The following GPR158 variants were observed in gnomAD, a reference collection of about 807,000 sequenced individuals.
GPR158 encodes the protein metabotropic glycine receptor.
GPR158 carries 30 observed loss-of-function variants against 78.2 expected under a neutral mutation model. The ratio of observed to expected loss-of-function variants is 0.38; its 90% confidence interval spans 0.29 to 0.52. The LOEUF is 0.52. Among genes scored for constraint, GPR158 ranks in the 20% least tolerant of loss-of-function variants. The pLI is 0.83. For synonymous variants in GPR158, 581 were observed against 591.1 expected (o/e 0.98, Z 0.25); for missense variants, 1,463 against 1,523.5 (o/e 0.96, Z 0.66).
chr10:25,400,136 A>T (rs944949650), intron 3 of GPR158, among the ~76,000 whole-genome samples: 1 of 152,202 alleles, frequency 6.6e-6, no homozygotes, highest in African/African-American at 2.4e-5. Flanking sequence ...CAAATATTTC[A>T]TTATATTAGG....
chr10:25,193,791 C>T (rs144619727), intron 1 of GPR158, among the ~76,000 whole-genome samples: 155 of 151,476 alleles, frequency 1.0e-3, no homozygotes, highest in African/African-American at 2.5e-3. Flanking sequence ...TTTCCAGCTT[C>T]TCTGATGAGA....
At chr10:25,432,010 A>G (rs1300485732) in intron 4 of GPR158, among the ~76,000 whole-genome samples, 1 of 72,704 alleles carries the variant, frequency 1.4e-5, no homozygotes, top group Non-Finnish European at 4.1e-5. Flanking sequence ...AATAATAATA[A>G]AATAAAAAAA....
At chr10:25,583,238 G>A (rs908013510) in intron 7 of GPR158, among the ~76,000 whole-genome samples, 11 of 152,012 alleles carry the variant, frequency 7.2e-5, no homozygotes, top group Admixed American at 2.0e-4. Context: ...TCTCTATCTC[G>A]GAGCTGAATC....
chr10:25,251,472 T>C (rs1401269615), intron 2 of GPR158, among the ~76,000 whole-genome samples: 1 of 152,056 alleles, frequency 6.6e-6, no homozygotes, highest in Non-Finnish European at 1.5e-5. Flanking sequence ...TTTCCATGTT[T>C]AGCGCTTCCT....
At chr10:25,484,162 G>A (rs999461770) in intron 5 of GPR158, among the ~76,000 whole-genome samples, 1 of 152,024 alleles carries the variant, frequency 6.6e-6, no homozygotes, top group Admixed American at 6.6e-5. Flanking sequence ...CTCTGCCACG[G>A]CAATTCTGTT....
In GPR158 at chr10:25,572,635, T is replaced by C; in HGVS notation, c.1515-14T>C. ...GTTAGGTTTGCTTTCACATTTGAAC[T>C]TTTGCTTTTCTAGGGTTTTGAAGGT... On this transcript the variant is annotated splice_polypyrimidine_tract_variant and intron_variant, in intron 6 of 10. Coordinates refer to ENST00000376351, the MANE Select transcript of GPR158 (RefSeq NM_020752.3). The C allele has an allele frequency of 6.5e-7, 1 of 1,533,184 alleles. No individual in the cohort carries two copies. The highest frequency in any genetic ancestry group is 9.0e-7 in the Non-Finnish European group (1 of 1,106,160). The allele number at this position is 1,533,184 out of a possible 1,614,324, so 95.0% of individuals were successfully genotyped here.
At chr10:25,391,469 G>A (rs1174411592) in intron 2 of GPR158, among the ~76,000 whole-genome samples, 2 of 148,788 alleles carry the variant, frequency 1.3e-5, no homozygotes, top group Non-Finnish European at 3.0e-5. Flanking sequence ...TGACCTGGTT[G>A]TGAGACATGC....
At chr10:25,565,443 C>A (rs1836917034) in intron 6 of GPR158, among the ~76,000 whole-genome samples, 1 of 152,122 alleles carries the variant, frequency 6.6e-6, no homozygotes, top group South Asian at 2.1e-4. Context: ...GTACGAGCAT[C>A]CAGATTAGAG....
At position 25,241,125 on chromosome 10, in the gene GPR158, T is replaced by TTTTCTTTCTTTC. The variant is rs752386158; in HGVS notation, c.1008+20021_1008+20032dup. 3.5e-3 allele frequency among the ~76,000 whole-genome samples: 376 copies of TTTTCTTTCTTTC among 108,494 alleles called. 4 individuals carry two copies. The highest frequency in any genetic ancestry group is 4.6e-3 in the Middle Eastern group (1 of 216). 71.2% of individuals were successfully genotyped at this position (108,494 alleles called of 152,430 possible). ...ACCAAATATTGAATTTTTACTTTGA[T>TTTTCTTTCTTTC]TTTCTTTCTTTCTTTCTTTCTTTCT... On this transcript the variant is annotated intron_variant, in intron 2 of 10. Transcript: ENST00000376351.
At chr10:25,477,446 A>C (rs1835603733) in intron 5 of GPR158, among the ~76,000 whole-genome samples, 1 of 152,110 alleles carries the variant, frequency 6.6e-6, no homozygotes, top group African/African-American at 2.4e-5. Context: ...GAATGTTCCA[A>C]ACTCATTTTA....
chr10:25,384,074 T>C (rs979229212), intron 2 of GPR158, among the ~76,000 whole-genome samples: 4 of 152,228 alleles, frequency 2.6e-5, no homozygotes, highest in Non-Finnish European at 5.9e-5. Context: ...TTTATTATCT[T>C]ATTTACCCTT....
chr10:25,226,227 G>A (rs1052812136), intron 2 of GPR158, among the ~76,000 whole-genome samples: 6 of 152,156 alleles, frequency 3.9e-5, no homozygotes, highest in African/African-American at 1.4e-4. Context: ...AATCAAGAAA[G>A]GAAGTTTCTG....
intron 2 of GPR158, among the ~76,000 whole-genome samples, chr10:25,316,159 A>T (rs993154003): frequency 6.6e-5 from 10 of 152,046 alleles, no homozygotes; most frequent in African/African-American, 1.9e-4. Flanking sequence ...GGCCTCAAAG[A>T]TTTTTCTTTA....
chr10:25,344,383 A>G (rs1855342882), intron 2 of GPR158, among the ~76,000 whole-genome samples: 1 of 151,880 alleles, frequency 6.6e-6, no homozygotes, highest in South Asian at 2.1e-4. Context: ...TACCTCAGCC[A>G]TTTTTTGTGG....
intron 1 of GPR158, among the ~76,000 whole-genome samples, chr10:25,183,149 G>A (rs1308692331): frequency 6.6e-6 from 1 of 152,086 alleles, no homozygotes. Context: ...CTTTGGCTGT[G>A]CAATTACTCT....
chr10:25,394,460 C>A (rs1377259189), intron 2 of GPR158, among the ~76,000 whole-genome samples: 1 of 152,144 alleles, frequency 6.6e-6, no homozygotes, highest in Non-Finnish European at 1.5e-5. Context: ...TATGATTTGA[C>A]CTATTGTATA....
chr10:25,219,502 G>T (rs1853268574), intron 1 of GPR158, among the ~76,000 whole-genome samples: 2 of 152,132 alleles, frequency 1.3e-5, no homozygotes, highest in Admixed American at 6.5e-5. Context: ...TGATCAGCGT[G>T]TTTTCTGTAA....
At chr10:25,270,253 A>G (rs116817509) in intron 2 of GPR158, among the ~76,000 whole-genome samples, 6 of 152,346 alleles carry the variant, frequency 3.9e-5, no homozygotes, top group African/African-American at 1.4e-4. Context: ...TTCAAGAAAG[A>G]TGATTCTGCT....
chr10:25,439,667 A>T (rs1835042516), intron 4 of GPR158, among the ~76,000 whole-genome samples: 1 of 152,194 alleles, frequency 6.6e-6, no homozygotes, highest in Non-Finnish European at 1.5e-5. Context: ...ACGAGAGGTT[A>T]GGAGCCATCC....
Sources: gnomAD v4.1 joint callset for allele counts (sites outside exome capture counted in the v4.1 genomes callset) on GRCh38, gnomAD v4.1.1 for gene constraint, MANE v1.5 for transcripts, NCBI Gene and HGNC (gene_info 2026-07-23, HGNC 2026-07-21) for gene names.